CHL1: variants seen among roughly 807,000 people sequenced by gnomAD.
CHL1 encodes the protein neural cell adhesion molecule L1-like protein.
In CHL1, 96 loss-of-function variants were observed where a neutral mutation model predicts 141.9. That is an observed-to-expected ratio of 0.68 (90% confidence interval 0.57 to 0.80). The LOEUF (loss-of-function observed/expected upper bound fraction) is 0.80, where lower values mean the gene tolerates loss of function less well. Ranked by LOEUF, CHL1 falls within the 30% of genes least tolerant of loss-of-function variation. CHL1 has a pLI of 0.00. For missense variants in CHL1, 1,820 were observed against 1,457.2 expected (o/e 1.25, Z -4.05); for synonymous variants, 613 against 502.2 (o/e 1.22, Z -2.95).
At chr3:214,152 C>T (rs914070689) in intron 1 of CHL1, among the ~76,000 whole-genome samples, 4 of 152,236 alleles carry the variant, frequency 2.6e-5, no homozygotes, top group Middle Eastern at 3.4e-3. Flanking sequence ...AGGTGCTTTT[C>T]GATTGTGAGA....
At chr3:311,597 G>T (rs1173913434) in intron 2 of CHL1, among the ~76,000 whole-genome samples, 1 of 152,084 alleles carries the variant, frequency 6.6e-6, no homozygotes, top group Non-Finnish European at 1.5e-5. Flanking sequence ...ATAGCACCTT[G>T]GTTGTAATCC....
rs1433711862 is a variant in CHL1, at chr3:360,860, C to A, written c.1306+436C>A. Among the ~76,000 whole-genome samples the A allele has an allele frequency of 5.2e-4, 77 of 148,370 alleles. 1 individual carries two copies. In the East Asian group the frequency reaches 0.014, roughly 27 times the overall value. On this transcript the variant is annotated intron_variant, in intron 12 of 27. Coordinates refer to ENST00000256509, the MANE Select transcript of CHL1 (RefSeq NM_006614.4). ...TGCAGTGTTTGGTTTTTTGTTCTTGCGATAGTTTACTGAGAATGATGATTT... is the reference window on the plus strand; with the variant it reads ...TGCAGTGTTTGGTTTTTTGTTCTTGAGATAGTTTACTGAGAATGATGATTT...
intron 1 of CHL1, chr3:197,871 G>T (rs1281643774): frequency 6.1e-6 from 2 of 329,498 alleles, no homozygotes; most frequent in Admixed American, 9.1e-5. Flanking sequence ...TCTTTCTCTC[G>T]CTTTTTTTTT....
intron 1 of CHL1, among the ~76,000 whole-genome samples, chr3:234,796 A>G (rs578023705): frequency 2.6e-5 from 4 of 152,252 alleles, no homozygotes; most frequent in Middle Eastern, 3.4e-3. Flanking sequence ...CCTTGAGTGC[A>G]GTGCCAGACA....
intron 1 of CHL1, among the ~76,000 whole-genome samples, chr3:237,679 G>A (rs529079530): frequency 5.3e-5 from 8 of 152,226 alleles, no homozygotes; most frequent in South Asian, 2.1e-4. Flanking sequence ...AATTGAATTC[G>A]TTTAATCTTA....
chr3:336,860 G>A (rs995359242), intron 5 of CHL1, among the ~76,000 whole-genome samples: 1 of 152,200 alleles, frequency 6.6e-6, no homozygotes, highest in African/African-American at 2.4e-5. Flanking sequence ...GGTTGGTTGT[G>A]CCTTGATAGT....
rs1382972465 is a variant in CHL1 at position 197,858 on chromosome 3, CTCTCTT to C, written c.-175+801_-175+806del. 5 of 421,820 alleles carry C rather than the reference CTCTCTT, an allele frequency of 1.2e-5. No individual in the cohort carries two copies. The Admixed American group carries it at 1.5e-4, about 13-fold the overall frequency. The allele number at this position is 421,820 out of a possible 1,614,324, so 26.1% of individuals were successfully genotyped here. A position where few individuals can be genotyped will look rare whatever the true frequency, so the allele number is the denominator to read the frequency against. On this transcript the variant is annotated intron_variant, in intron 1 of 27. Coordinates refer to ENST00000256509, the MANE Select transcript of CHL1 (RefSeq NM_006614.4). Reference sequence around the variant, plus strand: ...TGGTCCCTTCTTCCTCTTTGTGCCTCTCTCTTTCTCTCGCTTTTTTTTTTTTTTTGG... The same window carrying C: ...TGGTCCCTTCTTCCTCTTTGTGCCTCTCTCTCGCTTTTTTTTTTTTTTTGG...
intron 11 of CHL1, among the ~76,000 whole-genome samples, chr3:359,285 A>G (rs1444303662): frequency 3.3e-5 from 5 of 151,814 alleles, no homozygotes; most frequent in African/African-American, 1.2e-4. Flanking sequence ...AATGTTAGGT[A>G]TTCTTTTTTT....
chr3:267,422 T>C (rs917637689), intron 2 of CHL1, among the ~76,000 whole-genome samples: 3 of 152,144 alleles, frequency 2.0e-5, no homozygotes, highest in African/African-American at 7.3e-5. Flanking sequence ...TTTTCCTCTA[T>C]TTTACATTTA....
In CHL1 at chr3:292,905, C is replaced by G. The variant is rs1236439494; in HGVS notation, c.-94-26778C>G. On this transcript the variant is annotated intron_variant, in intron 2 of 27. Coordinates refer to ENST00000256509, the MANE Select transcript of CHL1 (RefSeq NM_006614.4). ...CACCCAGATACCTCCTACCAGGCACCACCTCCAAAATCAGGGAGTACGTTT... is the reference window on the plus strand; with the variant it reads ...CACCCAGATACCTCCTACCAGGCACGACCTCCAAAATCAGGGAGTACGTTT... Among the ~76,000 whole-genome samples, 3 of 152,194 alleles carry G rather than the reference C, an allele frequency of 2.0e-5. No individual in the cohort carries two copies. The South Asian group carries it at 6.2e-4, about 32-fold the overall frequency.
chr3:337,384 T>C (rs1701973362), intron 5 of CHL1, among the ~76,000 whole-genome samples: 1 of 151,728 alleles, frequency 6.6e-6, no homozygotes, highest in South Asian at 2.1e-4. Context: ...TTTTAAATTA[T>C]ACTTTAAGTT....
At chr3:314,687 C>T (rs1038030403) in intron 2 of CHL1, among the ~76,000 whole-genome samples, 1 of 151,874 alleles carries the variant, frequency 6.6e-6, no homozygotes, top group Non-Finnish European at 1.5e-5. Flanking sequence ...CAAAATGTCT[C>T]TTATCTTCCA....
At chr3:298,075 G>A (rs542806932) in intron 2 of CHL1, among the ~76,000 whole-genome samples, 13 of 152,268 alleles carry the variant, frequency 8.5e-5, no homozygotes, top group Non-Finnish European at 1.6e-4. Context: ...TATACAACCA[G>A]TCTTTTCACT....
chr3:242,539 T>C (rs569590262), intron 1 of CHL1, among the ~76,000 whole-genome samples: 2 of 152,046 alleles, frequency 1.3e-5, no homozygotes, highest in Admixed American at 1.3e-4. Context: ...GAGCTTGCAG[T>C]GAGCCGAGAT....
intron 14 of CHL1, 65 bp from the exon 15 acceptor site, chr3:365,885 C>T: frequency 7.4e-7 from 1 of 1,342,720 alleles, no homozygotes; most frequent in Non-Finnish European, 1.0e-6. Flanking sequence ...ACTTAACTTG[C>T]AGGCACTTAA....
At chr3:218,087 C>T (rs776587816) in intron 1 of CHL1, among the ~76,000 whole-genome samples, 7 of 152,088 alleles carry the variant, frequency 4.6e-5, no homozygotes, top group Admixed American at 2.0e-4. Context: ...CCACAGGAAA[C>T]AATCAAAGAA....
chr3:270,082 T>C (rs543207353), intron 2 of CHL1, among the ~76,000 whole-genome samples: 2 of 152,294 alleles, frequency 1.3e-5, no homozygotes, highest in Admixed American at 6.5e-5. Context: ...AACGCTCTTT[T>C]ATTTTCATTT....
chr3:327,853 A>G (rs1037817454), intron 4 of CHL1, among the ~76,000 whole-genome samples: 3 of 151,932 alleles, frequency 2.0e-5, no homozygotes, highest in African/African-American at 7.2e-5. Flanking sequence ...GAAATTATAT[A>G]TGTTTCTTGT....
intron 19 of CHL1, among the ~76,000 whole-genome samples, chr3:389,036 G>A (rs1306427563): frequency 6.4e-5 from 2 of 31,350 alleles, no homozygotes; most frequent in Non-Finnish European, 2.0e-4. Context: ...TAGGCTTCTC[G>A]TTACTTGGGG....
Sources: allele counts gnomAD v4.1 joint callset (sites outside exome capture counted in the v4.1 genomes callset), GRCh38; gene constraint gnomAD v4.1.1; transcripts MANE v1.5; gene names NCBI Gene and HGNC (gene_info 2026-07-23, HGNC 2026-07-21).